Variants in TAFA3 observed in about 807,000 individuals in gnomAD.
TAFA3 encodes chemokine-like protein TAFA-3.
In TAFA3, 17 loss-of-function variants were observed where a neutral mutation model predicts 20.7. The observed-to-expected ratio is 0.82, with a 90% confidence interval of 0.56 to 1.23. The LOEUF (loss-of-function observed/expected upper bound fraction) is 1.23. Among genes scored for constraint, TAFA3 ranks in the 50% most tolerant of loss-of-function variants. The pLI is 0.00. For missense variants in TAFA3, 174 were observed against 172.8 expected (o/e 1.01, Z -0.04); for synonymous variants, 74 against 71.8 (o/e 1.03, Z -0.16).
intron 2 of TAFA3, among the ~76,000 whole-genome samples, chr1:112,721,705 G>A (rs1485714128): frequency 6.6e-6 from 1 of 152,226 alleles, no homozygotes; most frequent in Non-Finnish European, 1.5e-5. Context: ...GCATGTGTCA[G>A]GACATAAAGC....
intron 5 of TAFA3, among the ~76,000 whole-genome samples, chr1:112,725,396 A>T (rs1359992772): frequency 4.2e-5 from 4 of 94,420 alleles, no homozygotes; most frequent in East Asian, 5.9e-4. Context: ...TTGAAATATT[A>T]AAAAAAAAAA....
chr1:112,723,108 T>G lies in TAFA3; in HGVS notation c.208T>G (p.Ser70Ala). ...IEERSQTVKC[S>A]CFSGQVAGTT... ...GGAGCGCTCCCAGACGGTGAAATGC[T>G]CCTGTTTTTCTGGCCAGGTGGCCGG... The change falls in exon 4 of 6, where the codon TCC becomes GCC. Residue 70 changes from serine (S) to alanine (A), a missense_variant. Ser to Ala is a moderately conservative substitution (Grantham distance 99, BLOSUM62 1). Transcript: ENST00000361886. 6.2e-7 allele frequency: 1 copy of G among 1,613,304 alleles called. No homozygotes were observed. Among genetic ancestry groups the G allele is most frequent in the Non-Finnish European group, 8.5e-7 (1 of 1,179,796 alleles).
chr1:112,725,706 G>A (rs2101503623), intron 5 of TAFA3, among the ~76,000 whole-genome samples: 1 of 152,188 alleles, frequency 6.6e-6, no homozygotes, highest in East Asian at 1.9e-4. Flanking sequence ...GCAGCTCCAT[G>A]TGTGTCATGG....
At chr1:112,721,038 ATGC>A (rs1210299039) in intron 2 of TAFA3, among the ~76,000 whole-genome samples, 2 of 152,234 alleles carry the variant, frequency 1.3e-5, no homozygotes, top group Non-Finnish European at 2.9e-5. Context: ...TTCCACCCAC[ATGC>A]TGCCTGGCCT....
Position 112,726,922 on chromosome 1 carries a change from A to G in TAFA3, c.*282A>G, listed in dbSNP as rs1675484850. The G allele has an allele frequency of 4.1e-6, 2 of 482,496 alleles. No individual in the cohort carries two copies. Among genetic ancestry groups the G allele is most frequent in the Admixed American group, 7.4e-5 (2 of 27,004 alleles). 29.9% of individuals were successfully genotyped at this position (482,496 alleles called of 1,614,324 possible). A position where few individuals can be genotyped will look rare whatever the true frequency, so the allele number is the denominator to read the frequency against. On this transcript the variant is annotated 3_prime_UTR_variant, in exon 6 of 6. Transcript: ENST00000361886. ...TTGAATTGGAGAGTTGATGACAGAC[A>G]ATTTAGATAATTTAGGTTAAAGTAC...
chr1:112,721,728 G>A (rs1675333866), intron 2 of TAFA3, among the ~76,000 whole-genome samples: 1 of 152,076 alleles, frequency 6.6e-6, no homozygotes, highest in Admixed American at 6.5e-5. Flanking sequence ...TTCCCCATTG[G>A]TTTTTTTACA....
intron 5 of TAFA3, among the ~76,000 whole-genome samples, 179 bp downstream of exon 5, chr1:112,724,316 C>T (rs1473035129): frequency 1.3e-5 from 2 of 151,994 alleles, no homozygotes; most frequent in Non-Finnish European, 2.9e-5. Flanking sequence ...TTAGGGGGGT[C>T]AGGACTTGAA....
In TAFA3 at chr1:112,726,631, C is replaced by G. The variant is rs551694453; in HGVS notation, c.393C>G (p.Val131=). 4.6e-5 allele frequency: 74 copies of G among 1,613,866 alleles called. No individual in the cohort carries two copies. The South Asian group carries it at 5.3e-4, about 11-fold the overall frequency. The part of the protein sequence containing the change: ...SSGHKVKTTK[V]TR Reference sequence around the variant, plus strand: ...TTACCCTCTCGCTTCTTCACCAGGTCACACGATAGCTCTTGGGGGTCACGG... The same window carrying G: ...TTACCCTCTCGCTTCTTCACCAGGTGACACGATAGCTCTTGGGGGTCACGG... The change falls in exon 6 of 6, where the codon GTC becomes GTG. Residue 131 remains valine (V), a splice_region_variant and synonymous_variant. Coordinates refer to ENST00000361886, the MANE Select transcript of TAFA3 (RefSeq NM_182759.3).
chr1:112,726,525 C>T lies in TAFA3; in HGVS notation c.391-104C>T, dbSNP rs1473848668. 3.6e-5 allele frequency: 44 copies of T among 1,207,536 alleles called. No homozygotes were observed. The South Asian group carries it at 5.6e-4, about 15-fold the overall frequency. 74.8% of individuals were successfully genotyped at this position (1,207,536 alleles called of 1,614,324 possible). A position where few individuals can be genotyped will look rare whatever the true frequency, so the allele number is the denominator to read the frequency against. Reference sequence around the variant, plus strand: ...GCCTGCTTTAGGGTGAGAGGATTGGCAGCAATGTCCTCTAAGTGACCTGCA... The same window carrying T: ...GCCTGCTTTAGGGTGAGAGGATTGGTAGCAATGTCCTCTAAGTGACCTGCA... On this transcript the variant is annotated intron_variant, in intron 5 of 5. Coordinates refer to ENST00000361886, the MANE Select transcript of TAFA3 (RefSeq NM_182759.3).
rs1420237642 is a variant in TAFA3, at chr1:112,719,016, A to T, written c.-343A>T. ...CGCGCTCCCCGGCCTGCCGGCAGGA[A>T]CCTTGGAAAAAACCCGGCTGAGTTC... On this transcript the variant is annotated 5_prime_UTR_variant, in exon 1 of 6. Coordinates refer to ENST00000361886, the MANE Select transcript of TAFA3 (RefSeq NM_182759.3). Among the ~76,000 whole-genome samples, 1 of 152,138 alleles carries T rather than the reference A, an allele frequency of 6.6e-6. No homozygotes were observed. Among genetic ancestry groups the T allele is most frequent in the Non-Finnish European group, 1.5e-5 (1 of 68,008 alleles).
At chr1:112,723,891 G>A in intron 4 of TAFA3, 122 bp from the exon 5 acceptor site, 1 of 1,598,764 alleles carries the variant, frequency 6.3e-7, no homozygotes, top group South Asian at 1.1e-5. Context: ...GAAAGACAAG[G>A]GAAATGCATG....
In TAFA3 at chr1:112,723,141, C is replaced by T. The variant is rs1427960536; in HGVS notation, c.241C>T (p.Arg81Trp). The part of the protein sequence containing the change: ...CFSGQVAGTT[R>W]AKPSCVDASI... ...TTCTGGCCAGGTGGCCGGCACCACGCGGGCAAAGCCCTCCTGCGTGGACGG... is the reference window on the plus strand; with the variant it reads ...TTCTGGCCAGGTGGCCGGCACCACGTGGGCAAAGCCCTCCTGCGTGGACGG... The change falls in exon 4 of 6, where the codon CGG becomes TGG. Residue 81 changes from arginine (R) to tryptophan (W), a missense_variant. Physicochemically the swap from Arg to Trp is moderately radical, Grantham distance 101. Transcript: ENST00000361886. The T allele has an allele frequency of 5.0e-6, 8 of 1,613,002 alleles. No individual in the cohort carries two copies. The highest frequency in any genetic ancestry group is 6.8e-6 in the Non-Finnish European group (8 of 1,179,814).
At chr1:112,722,991 T>TCTGATCCTGGGCGG (rs780722193) in intron 3 of TAFA3, 25 bp from the exon 4 acceptor site, 1 of 1,591,726 alleles carries the variant, frequency 6.3e-7, no homozygotes. Flanking sequence ...GTGTTGGGCG[T>TCTGATCCTGGGCGG]CTGATCCTGG....
rs570876241 is a variant in TAFA3 at position 112,725,276 on chromosome 1, C to T, written c.390+1139C>T. 4.2e-4 allele frequency among the ~76,000 whole-genome samples: 64 copies of T among 152,008 alleles called. No individual in the cohort carries two copies. In the South Asian group the frequency reaches 0.013, roughly 32 times the overall value. On this transcript the variant is annotated intron_variant, in intron 5 of 5. Coordinates refer to ENST00000361886, the MANE Select transcript of TAFA3 (RefSeq NM_182759.3). ...AGGGCTGAAAAACTACCTATTGGGT[C>T]CTATGCTTACTACATGGGTAATGAG...
At chr1:112,722,894 A>T in intron 3 of TAFA3, 122 bp from the exon 4 acceptor site, 1 of 1,250,110 alleles carries the variant, frequency 8.0e-7, no homozygotes, top group Non-Finnish European at 1.1e-6. Flanking sequence ...CTCCCCTGCC[A>T]CTGGCAGTCT....
Position 112,726,949 on chromosome 1 carries a change from T to C in TAFA3, c.*309T>C. 2.4e-6 allele frequency: 1 copy of C among 420,304 alleles called. No individual in the cohort carries two copies. Among genetic ancestry groups the C allele is most frequent in the Admixed American group, 4.1e-5 (1 of 24,518 alleles). 26.0% of individuals were successfully genotyped at this position (420,304 alleles called of 1,614,324 possible). On this transcript the variant is annotated 3_prime_UTR_variant, in exon 6 of 6. Transcript: ENST00000361886. The stretch of plus-strand genomic sequence containing the variant: ...TTTAGATAATTTAGGTTAAAGTACT[T>C]GATACCAGACTGCGGCTTCTGGGCC...
intron 5 of TAFA3, among the ~76,000 whole-genome samples, chr1:112,726,175 G>T (rs1313301923): frequency 1.3e-5 from 2 of 152,010 alleles, no homozygotes; most frequent in Non-Finnish European, 2.9e-5. Context: ...AGAAGGAAAG[G>T]CAGCCTTTGG....
chr1:112,725,212 G>A (rs923717938), intron 5 of TAFA3, among the ~76,000 whole-genome samples: 3 of 152,046 alleles, frequency 2.0e-5, no homozygotes, highest in Non-Finnish European at 2.9e-5. Flanking sequence ...AACAGTGGAC[G>A]ATGGTGACTA....
chr1:112,726,616 G>T lies in TAFA3; in HGVS notation c.391-13G>T. 6.2e-7 allele frequency: 1 copy of T among 1,613,662 alleles called. No homozygotes were observed. Among genetic ancestry groups the T allele is most frequent in the Non-Finnish European group, 8.5e-7 (1 of 1,179,776 alleles). ...TTCCCTTCTCTAACCTTACCCTCTC[G>T]CTTCTTCACCAGGTCACACGATAGC... On this transcript the variant is annotated splice_polypyrimidine_tract_variant and intron_variant, in intron 5 of 5. Coordinates refer to ENST00000361886, the MANE Select transcript of TAFA3 (RefSeq NM_182759.3).
Sources: allele counts gnomAD v4.1 joint callset (sites outside exome capture counted in the v4.1 genomes callset), GRCh38; gene constraint gnomAD v4.1.1; transcripts MANE v1.5; gene names NCBI Gene and HGNC (gene_info 2026-07-23, HGNC 2026-07-21).